The following PLCL1 variants were observed in gnomAD, a reference collection of about 807,000 sequenced individuals.
PLCL1 encodes inactive phospholipase C-like protein 1.
In PLCL1, 41 loss-of-function variants were observed where a neutral mutation model predicts 84.4. The ratio of observed to expected loss-of-function variants is 0.49; its 90% CI spans 0.38 to 0.63. PLCL1 has a LOEUF of 0.63. Among genes scored for constraint, PLCL1 ranks in the 30% least tolerant of loss-of-function variants. The pLI is 0.00. For missense variants in PLCL1, 1,206 were observed against 1,367.8 expected (o/e 0.88, Z 1.87); for synonymous variants, 490 against 488.3 (o/e 1.00, Z -0.05).
rs1442400123 is a variant in PLCL1 at position 197,805,202 on chromosome 2, A to G, written c.103A>G (p.Thr35Ala). ...CCCGGATGCCGCCGGGGACTGCGTG[A>G]CGGCGGCCTCTGGGGGCCGGATGAG... is the stretch of plus-strand genomic sequence containing the variant. The part of the protein sequence containing the change: ...VGPDAAGDCV[T>A]AASGGRMRDR... Residue 35 changes from threonine to alanine, a missense_variant, in exon 1 of 6, where the codon ACG becomes GCG. Physicochemically the swap from Thr to Ala is moderately conservative, Grantham distance 58. Coordinates refer to ENST00000428675, the MANE Select transcript of PLCL1 (RefSeq NM_006226.4). This position sits in a 1 kb window ranked among gnomAD's most constrained non-coding sequence, Gnocchi z 4.0. The G allele has an allele frequency of 5.5e-6, 7 of 1,275,500 alleles. No homozygotes were observed. The highest frequency in any genetic ancestry group is 6.9e-6 in the Non-Finnish European group (7 of 1,013,068). The allele number at this position is 1,275,500 out of a possible 1,614,324, so 79.0% of individuals were successfully genotyped here. A position where few individuals can be genotyped will look rare whatever the true frequency, so the allele number is the denominator to read the frequency against.
intron 1 of PLCL1, among the ~76,000 whole-genome samples, chr2:197,878,279 T>C (rs187173206): frequency 5.3e-5 from 8 of 152,270 alleles, no homozygotes; most frequent in Non-Finnish European, 1.0e-4. Flanking sequence ...TATTTTTCTT[T>C]AGTTATCACA....
chr2:198,107,327 A>T (rs1693500288), intron 5 of PLCL1, among the ~76,000 whole-genome samples: 1 of 151,842 alleles, frequency 6.6e-6, no homozygotes, highest in Non-Finnish European at 1.5e-5. Context: ...GGGAACAACA[A>T]TTCAAGATGA....
At chr2:197,902,982 A>G (rs1688297217) in intron 1 of PLCL1, among the ~76,000 whole-genome samples, 1 of 152,174 alleles carries the variant, frequency 6.6e-6, no homozygotes, top group Non-Finnish European at 1.5e-5. Context: ...AGTTCATGAG[A>G]TTTTACAAAT....
intron 1 of PLCL1, among the ~76,000 whole-genome samples, chr2:197,860,672 C>A (rs1442942419): frequency 2.0e-5 from 3 of 152,010 alleles, no homozygotes; most frequent in African/African-American, 7.3e-5. Context: ...GGCATGCATG[C>A]CTCTTTTGAA....
At chr2:198,053,605 T>C (rs1691992612) in intron 1 of PLCL1, among the ~76,000 whole-genome samples, 1 of 152,224 alleles carries the variant, frequency 6.6e-6, no homozygotes, top group Non-Finnish European at 1.5e-5. Context: ...TCCCTCTTTT[T>C]AGAATGTTGG....
At chr2:198,137,702 T>C (rs1431747881) in intron 5 of PLCL1, among the ~76,000 whole-genome samples, 1 of 152,206 alleles carries the variant, frequency 6.6e-6, no homozygotes, top group East Asian at 1.9e-4. Flanking sequence ...TCTTGTTACT[T>C]TTTATGGGGA....
In PLCL1 at chr2:197,836,131, G is replaced by A. The variant is rs551593538; in HGVS notation, c.240+30792G>A. Among the ~76,000 whole-genome samples the A allele has an allele frequency of 4.5e-4, 68 of 152,056 alleles. 2 individuals carry two copies. In the South Asian group the frequency reaches 1.0e-2, roughly 22 times the overall value. The stretch of plus-strand genomic sequence containing the variant: ...ATTTAACTCATGAATTTTATTTTTG[G>A]CCAGTTTTTAAATCATCCTCTAATT... On this transcript the variant is annotated intron_variant, in intron 1 of 5. Transcript: ENST00000428675.
Position 198,092,382 on chromosome 2 carries a change from G to T in PLCL1, c.2919+3321G>T, listed in dbSNP as rs542698074. Among the ~76,000 whole-genome samples the T allele has an allele frequency of 9.7e-4, 147 of 152,234 alleles. 3 individuals carry two copies. In the South Asian group the frequency reaches 0.03, roughly 31 times the overall value. On this transcript the variant is annotated intron_variant, in intron 3 of 5. Coordinates refer to ENST00000428675, the MANE Select transcript of PLCL1 (RefSeq NM_006226.4). ...GGCTTTCTTTGCACATATTTATGGG[G>T]TATGGTGTGATATTTCCGTACATTT...
At chr2:197,830,650 C>G (rs1336686736) in intron 1 of PLCL1, among the ~76,000 whole-genome samples, 3 of 152,060 alleles carry the variant, frequency 2.0e-5, no homozygotes, top group Non-Finnish European at 4.4e-5. Flanking sequence ...GGCCAACATT[C>G]AAATTCATGA....
chr2:197,851,024 C>T (rs1009131579), intron 1 of PLCL1, among the ~76,000 whole-genome samples: 2 of 152,334 alleles, frequency 1.3e-5, no homozygotes, highest in African/African-American at 4.8e-5. Context: ...GAGCTTCCTC[C>T]CCTTTCCCCA....
chr2:197,821,112 T>TC (rs1419690049), intron 1 of PLCL1, among the ~76,000 whole-genome samples: 1 of 152,118 alleles, frequency 6.6e-6, no homozygotes, highest in African/African-American at 2.4e-5. Flanking sequence ...TTCTCTTTTT[T>TC]CCCCCTATCA....
chr2:198,001,512 A>G (rs1256872492), intron 1 of PLCL1, among the ~76,000 whole-genome samples: 1 of 152,184 alleles, frequency 6.6e-6, no homozygotes, highest in Non-Finnish European at 1.5e-5. Flanking sequence ...TTCTAACTCC[A>G]TAGATTAATT....
chr2:197,897,588 A>T (rs1406196382), intron 1 of PLCL1, among the ~76,000 whole-genome samples: 2 of 152,184 alleles, frequency 1.3e-5, no homozygotes, highest in East Asian at 3.9e-4. Context: ...ACAAACAAAA[A>T]TTATTGTTTG....
At chr2:198,007,248 C>T (rs1487451255) in intron 1 of PLCL1, among the ~76,000 whole-genome samples, 3 of 152,064 alleles carry the variant, frequency 2.0e-5, no homozygotes, top group African/African-American at 7.2e-5. Flanking sequence ...GCATTGAGCT[C>T]ACTACACATG....
chr2:198,069,416 G>A (rs1178886670), intron 1 of PLCL1, among the ~76,000 whole-genome samples: 4 of 152,022 alleles, frequency 2.6e-5, no homozygotes, highest in Admixed American at 6.6e-5. Flanking sequence ...TTGAGCCCAG[G>A]ATTTCACGGC....
In PLCL1 at chr2:198,080,714, C is replaced by T. The variant is rs141638620; in HGVS notation, c.241-3044C>T. On this transcript the variant is annotated intron_variant, in intron 1 of 5. Transcript: ENST00000428675. ...GTCATCAGCAGACAAGATAATTATT[C>T]GTTCACACATGCTCTGGCCAAGTTT... 4.7e-3 allele frequency among the ~76,000 whole-genome samples: 718 copies of T among 152,316 alleles called. 7 individuals are homozygous for T. The highest frequency in any genetic ancestry group is 0.01 in the Middle Eastern group (3 of 294).
At chr2:198,024,246 A>C (rs1216431641) in intron 1 of PLCL1, among the ~76,000 whole-genome samples, 1 of 152,074 alleles carries the variant, frequency 6.6e-6, no homozygotes, top group Non-Finnish European at 1.5e-5. Flanking sequence ...AGGGCCTATC[A>C]GGGGTTGGCA....
At chr2:198,040,633 T>C (rs1691637454) in intron 1 of PLCL1, among the ~76,000 whole-genome samples, 1 of 152,130 alleles carries the variant, frequency 6.6e-6, no homozygotes, top group African/African-American at 2.4e-5. Context: ...TCTGAAAGGT[T>C]CTCTTCATTT....
chr2:198,036,932 G>A (rs1307793123), intron 1 of PLCL1, among the ~76,000 whole-genome samples: 1 of 152,176 alleles, frequency 6.6e-6, no homozygotes, highest in East Asian at 1.9e-4. Context: ...GCTGGATCCT[G>A]TTACCCTTAT....
Sources: gnomAD v4.1 joint callset for allele counts (sites outside exome capture counted in the v4.1 genomes callset) on GRCh38, gnomAD v4.1.1 for gene constraint, Gnocchi (gnomAD v3.1) non-coding constraint, MANE v1.5 for transcripts, NCBI Gene and HGNC (gene_info 2026-07-23, HGNC 2026-07-21) for gene names.